Variants in FSTL5 observed in about 807,000 individuals in gnomAD.
FSTL5 encodes follistatin like 5.
A neutral mutation model predicts 89.1 loss-of-function variants in FSTL5; 62 were observed. The observed-to-expected ratio is 0.70, with a 90% confidence interval of 0.57 to 0.86. FSTL5 has a LOEUF of 0.86. Among genes scored for constraint, FSTL5 ranks in the 40% least tolerant of loss-of-function variants. The probability of loss-of-function intolerance (pLI) is 0.00; values close to 1 mark genes in which losing one functional copy is unlikely to be tolerated. For missense variants in FSTL5, 1,057 were observed against 1,001.6 expected (o/e 1.06, Z -0.75); for synonymous variants, 383 against 346.2 (o/e 1.11, Z -1.18).
At chr4:161,868,718 T>C (rs575949316) in intron 4 of FSTL5, among the ~76,000 whole-genome samples, 10 of 152,356 alleles carry the variant, frequency 6.6e-5, no homozygotes, top group African/African-American at 2.4e-4. Context: ...AGTTCATTAA[T>C]GCTACATTAT....
At chr4:162,064,449 T>C (rs1358230540) in intron 2 of FSTL5, among the ~76,000 whole-genome samples, 1 of 151,998 alleles carries the variant, frequency 6.6e-6, no homozygotes, top group East Asian at 1.9e-4. Context: ...CTCTCTAACA[T>C]AGACGGACCT....
chr4:161,613,940 T>C (rs577731330), intron 7 of FSTL5, among the ~76,000 whole-genome samples: 3,328 of 148,298 alleles, frequency 0.022, 90 homozygotes, highest in South Asian at 0.15. Context: ...AATCATGTTA[T>C]GTTTATTTTA....
chr4:161,687,805 T>A (rs78410553), intron 6 of FSTL5, among the ~76,000 whole-genome samples: 2,301 of 152,328 alleles, frequency 0.015, 30 homozygotes, highest in Non-Finnish European at 0.022. Context: ...ATGGTTAGAA[T>A]GTGTTCCCCA....
At chr4:162,118,266 GT>G (rs2111425536) in intron 1 of FSTL5, among the ~76,000 whole-genome samples, 1 of 15,594 alleles carries the variant, frequency 6.4e-5, no homozygotes, top group South Asian at 5.7e-3. Flanking sequence ...TCTCCAAAGA[GT>G]CTTTTTTTTT....
chr4:161,610,781 A>AT (rs5863473), intron 7 of FSTL5, among the ~76,000 whole-genome samples: 4 of 151,556 alleles, frequency 2.6e-5, no homozygotes, highest in East Asian at 1.9e-4. Flanking sequence ...TTCCTCTATA[A>AT]TTTTTTTTTA....
chr4:162,131,986 T>C (rs1035151192), intron 1 of FSTL5, among the ~76,000 whole-genome samples: 5 of 152,204 alleles, frequency 3.3e-5, no homozygotes, highest in African/African-American at 9.6e-5. Context: ...TCACAGGTGA[T>C]TGCAATATAG....
chr4:161,463,579 G>T (rs1281603726), intron 13 of FSTL5, among the ~76,000 whole-genome samples: 2 of 152,042 alleles, frequency 1.3e-5, no homozygotes, highest in African/African-American at 4.8e-5. Flanking sequence ...CTTTGGCAAG[G>T]GAATAAATAA....
chr4:162,042,950 G>A (rs1381108320), intron 2 of FSTL5, among the ~76,000 whole-genome samples: 2 of 110,296 alleles, frequency 1.8e-5, no homozygotes, highest in Non-Finnish European at 1.7e-5. Context: ...CTGTTGTGGG[G>A]TGGGGGGAGG....
chr4:161,866,465 AGT>A (rs70937692), intron 4 of FSTL5, among the ~76,000 whole-genome samples: 21,764 of 131,678 alleles, frequency 0.17, 1,716 homozygotes, highest in Middle Eastern at 0.21. Context: ...TCTAAGCTGT[AGT>A]GTGTGTGTGT....
intron 4 of FSTL5, among the ~76,000 whole-genome samples, chr4:161,794,142 G>A (rs1240065434): frequency 1.3e-5 from 2 of 152,156 alleles, no homozygotes; most frequent in East Asian, 3.9e-4. Flanking sequence ...ATAGTCACCT[G>A]AGGAGCTTTG....
chr4:161,936,768 C>T (rs761202065), intron 3 of FSTL5, among the ~76,000 whole-genome samples: 13 of 152,062 alleles, frequency 8.5e-5, no homozygotes, highest in East Asian at 3.9e-4. Context: ...TGGAGAGTAC[C>T]GCAAGCTGAA....
chr4:162,051,279 A>T (rs888700200), intron 2 of FSTL5, among the ~76,000 whole-genome samples: 3 of 151,572 alleles, frequency 2.0e-5, no homozygotes, highest in African/African-American at 7.2e-5. Context: ...TCATCTAATA[A>T]GAGATTTAAC....
intron 2 of FSTL5, among the ~76,000 whole-genome samples, chr4:162,062,949 C>T (rs1403684316): frequency 6.6e-6 from 1 of 151,310 alleles, no homozygotes; most frequent in African/African-American, 2.4e-5. Flanking sequence ...GGTTTCTTGC[C>T]TTAGGTTCAA....
At chr4:161,853,100 G>T (rs1227623598) in intron 4 of FSTL5, among the ~76,000 whole-genome samples, 1 of 152,080 alleles carries the variant, frequency 6.6e-6, no homozygotes, top group African/African-American at 2.4e-5. Flanking sequence ...GTTCCTAATA[G>T]CCTCCCTTAA....
intron 2 of FSTL5, among the ~76,000 whole-genome samples, chr4:162,103,447 T>C (rs1240812563): frequency 6.6e-6 from 1 of 152,214 alleles, no homozygotes; most frequent in African/African-American, 2.4e-5. Flanking sequence ...ATGTAATACA[T>C]GGTACTCTCA....
At chr4:162,036,222 G>T (rs78220424) in intron 2 of FSTL5, among the ~76,000 whole-genome samples, 1 of 151,990 alleles carries the variant, frequency 6.6e-6, no homozygotes, top group Admixed American at 6.6e-5. Context: ...TTTGACATCC[G>T]TACTTGGATT....
At chr4:161,641,044 A>G (rs1296273708) in intron 7 of FSTL5, among the ~76,000 whole-genome samples, 1 of 152,192 alleles carries the variant, frequency 6.6e-6, no homozygotes, top group African/African-American at 2.4e-5. Context: ...CAGTAATCCT[A>G]TATCTGGCTT....
chr4:161,404,797 T>A (rs913974459), intron 15 of FSTL5, among the ~76,000 whole-genome samples: 28 of 151,330 alleles, frequency 1.9e-4, no homozygotes, highest in Admixed American at 6.6e-5. Context: ...TGTGTTGAGT[T>A]TAAAACAAAA....
At chr4:161,824,690 T>C (rs1208037517) in intron 4 of FSTL5, among the ~76,000 whole-genome samples, 1 of 152,180 alleles carries the variant, frequency 6.6e-6, no homozygotes, top group African/African-American at 2.4e-5. Context: ...TTTGTGATTT[T>C]TTGCAGCTAT....
Sources: allele counts gnomAD v4.1 joint callset (sites outside exome capture counted in the v4.1 genomes callset), GRCh38; gene constraint gnomAD v4.1.1; transcripts MANE v1.5; gene names NCBI Gene and HGNC (gene_info 2026-07-23, HGNC 2026-07-21).